The following UGT2B7 variants were observed in gnomAD, a reference collection of about 807,000 sequenced individuals.
UGT2B7 encodes UDP-glucuronosyltransferase 2B7.
UGT2B7 carries 51 observed loss-of-function variants against 51.9 expected under a neutral mutation model. The ratio of observed to expected loss-of-function variants is 0.98; its 90% CI spans 0.78 to 1.24. The LOEUF (loss-of-function observed/expected upper bound fraction) is 1.24, where lower values mean the gene tolerates loss of function less well. Among genes scored for constraint, UGT2B7 ranks in the 50% most tolerant of loss-of-function variants. The pLI, the probability that UGT2B7 is intolerant of heterozygous loss-of-function variation, is 0.00. For missense variants in UGT2B7, 727 were observed against 628.4 expected (o/e 1.16, Z -1.68); for synonymous variants, 225 against 211.6 (o/e 1.06, Z -0.55).
chr4:69,091,980 T>C (rs1338237801), upstream of UGT2B7, among the ~76,000 whole-genome samples: 1 of 152,188 alleles, frequency 6.6e-6, no homozygotes, highest in Non-Finnish European at 1.5e-5. Context: ...TCTTGCTCTG[T>C]CACCCAGGCT....
chr4:69,052,916 A>T (rs547196441), intron 1 of UGT2B7, among the ~76,000 whole-genome samples: 2 of 152,194 alleles, frequency 1.3e-5, no homozygotes, highest in South Asian at 2.1e-4. Flanking sequence ...GGTTAAAAAA[A>T]TTATTGTTTT....
chr4:69,092,401 A>C (rs746927870), upstream of UGT2B7, among the ~76,000 whole-genome samples: 1 of 152,282 alleles, frequency 6.6e-6, no homozygotes, highest in African/African-American at 2.4e-5. Flanking sequence ...ATCATTACAG[A>C]GTAATGGTTT....
intron 3 of UGT2B7, among the ~76,000 whole-genome samples, chr4:69,104,328 G>C (rs570769047): frequency 6.6e-6 from 1 of 152,126 alleles, no homozygotes; most frequent in South Asian, 2.1e-4. Context: ...GGATCTAGAA[G>C]TCTTATTTTT....
chr4:69,066,216 A>G (rs1267753353), intron 1 of UGT2B7, among the ~76,000 whole-genome samples: 1 of 152,152 alleles, frequency 6.6e-6, no homozygotes, highest in Non-Finnish European at 1.5e-5. Context: ...GGTTTGTTGC[A>G]TATGTAAACT....
At chr4:69,099,340 T>A (rs1378830995) in intron 2 of UGT2B7, among the ~76,000 whole-genome samples, 1 of 150,554 alleles carries the variant, frequency 6.6e-6, no homozygotes, top group African/African-American at 2.4e-5. Flanking sequence ...AGGGAGAGAC[T>A]AAGACTCGGA....
intron 2 of UGT2B7, among the ~76,000 whole-genome samples, chr4:69,101,661 G>A (rs34556519): frequency 0.38 from 57,681 of 151,892 alleles, 11,733 homozygotes; most frequent in Admixed American, 0.5. Flanking sequence ...AAAACACTCT[G>A]TAATATGTGG....
At chr4:69,094,866 A>G (rs1029357205), upstream of UGT2B7, among the ~76,000 whole-genome samples, 1 of 152,230 alleles carries the variant, frequency 6.6e-6, no homozygotes, top group Admixed American at 6.5e-5. Context: ...TTTAAGTAAT[A>G]TTCTAAATCT....
intron 1 of UGT2B7, among the ~76,000 whole-genome samples, chr4:69,076,396 C>G (rs1718708471): frequency 6.6e-6 from 1 of 152,192 alleles, no homozygotes; most frequent in African/African-American, 2.4e-5. Context: ...TACACTCTCA[C>G]CAACAGTGTA....
At chr4:69,107,396 G>C (rs912531348) in intron 4 of UGT2B7, 134 bp downstream of exon 4, 1 of 1,053,682 alleles carries the variant, frequency 9.5e-7, no homozygotes, top group Non-Finnish European at 1.3e-6. Context: ...TGATTTTCCA[G>C]TCTTAAGGGA....
In UGT2B7 at chr4:69,087,362, C is replaced by T. The variant is rs6422323; in HGVS notation, c.-158-2110C>T. On this transcript the variant is annotated intron_variant, in intron 1 of 5. Transcript: ENST00000502942. ...TTTGTCTTCCACATATTGACTTTTT[C>T]ATGTCTCAATTTATATCTTTTCATA... Among the ~76,000 whole-genome samples, 4 of 151,606 alleles carry T rather than the reference C, an allele frequency of 2.6e-5. No homozygotes were observed. The East Asian group carries it at 7.7e-4, about 29-fold the overall frequency.
At position 69,107,227 on chromosome 4, in the gene UGT2B7, G is replaced by A. The variant is rs750912051; in HGVS notation, c.1055G>A (p.Arg352Gln). ...NKPDTLGLNT[R>Q]LYKWIPQNDL... is the part of the protein sequence containing the mutation. ...CCAGATACCTTAGGTCTCAATACTC[G>A]GCTCTACAAGTGGATACCCCAGAAT... Residue 352 changes from arginine (R) to glutamine (Q), a missense_variant, in exon 4 of 6, where the codon CGG becomes CAG. By Grantham distance (43) the Arg-to-Gln change is conservative (BLOSUM62 1). Coordinates refer to ENST00000305231, the MANE Select transcript of UGT2B7 (RefSeq NM_001074.4). 2.5e-6 allele frequency: 4 copies of A among 1,609,588 alleles called. No individual in the cohort carries two copies. The highest frequency in any genetic ancestry group is 2.5e-6 in the Non-Finnish European group (3 of 1,177,206).
rs193095406 is a variant in UGT2B7 at position 69,078,075 on chromosome 4, G to A, written c.-158-11397G>A. 3.4e-3 allele frequency among the ~76,000 whole-genome samples: 522 copies of A among 151,726 alleles called. 5 individuals are homozygous for A. Among genetic ancestry groups the A allele is most frequent in the African/African-American group, 0.012 (489 of 41,398 alleles). On this transcript the variant is annotated intron_variant, in intron 1 of 5. Transcript: ENST00000502942. Reference sequence around the variant, plus strand: ...GTTTGTTTTTTGTTTTTTTTCATTGGTTCTTTTTATGTCATGGATTCCTTT... The same window carrying A: ...GTTTGTTTTTTGTTTTTTTTCATTGATTCTTTTTATGTCATGGATTCCTTT...
intron 1 of UGT2B7, among the ~76,000 whole-genome samples, chr4:69,077,599 T>C (rs1718741341): frequency 1.3e-5 from 2 of 151,562 alleles, no homozygotes; most frequent in African/African-American, 4.9e-5. Context: ...TATTGGTGTA[T>C]AGGAATGCTT....
intron 3 of UGT2B7, among the ~76,000 whole-genome samples, chr4:69,104,626 A>G (rs1298125522): frequency 6.6e-6 from 1 of 152,186 alleles, no homozygotes; most frequent in Non-Finnish European, 1.5e-5. Context: ...CATTAATAGT[A>G]TGATCAAGAA....
chr4:69,064,112 A>AGAGAGAGAAAG (rs1718433031), intron 1 of UGT2B7, among the ~76,000 whole-genome samples: 20 of 86,836 alleles, frequency 2.3e-4, no homozygotes, highest in East Asian at 8.8e-4. Flanking sequence ...GAAAGAAAGA[A>AGAGAGAGAAAG]AAAGAAAGAA....
intron 1 of UGT2B7, among the ~76,000 whole-genome samples, chr4:69,062,885 G>C (rs991710692): frequency 1.1e-4 from 16 of 152,242 alleles, no homozygotes; most frequent in African/African-American, 3.9e-4. Context: ...TATTGCTCTT[G>C]TGCTATTGTT....
intron 1 of UGT2B7, among the ~76,000 whole-genome samples, chr4:69,074,206 T>C (rs1236574378): frequency 2.0e-5 from 3 of 151,814 alleles, no homozygotes; most frequent in Non-Finnish European, 2.9e-5. Flanking sequence ...TTGGGTGTGG[T>C]GTCATGCACC....
In UGT2B7 at chr4:69,097,513, T is replaced by C. The variant is rs12648462; in HGVS notation, c.721+272T>C. On this transcript the variant is annotated intron_variant, in intron 1 of 5. Coordinates refer to ENST00000305231, the MANE Select transcript of UGT2B7 (RefSeq NM_001074.4). ...ATCTAAGACTTTAAGCAATTACACA[T>C]CTGTTTTACTATACATTGTTTTACA... Among the ~76,000 whole-genome samples the C allele has an allele frequency of 0.18, 27,158 of 152,046 alleles. 2,565 individuals carry two copies. The highest frequency in any genetic ancestry group is 0.39 in the East Asian group (2,022 of 5,178).
intron 1 of UGT2B7, among the ~76,000 whole-genome samples, chr4:69,079,428 A>G (rs1718786745): frequency 6.6e-6 from 1 of 152,216 alleles, no homozygotes. Flanking sequence ...GCACATGTAT[A>G]CATACGTAAC....
Sources: gnomAD v4.1 joint callset for allele counts (sites outside exome capture counted in the v4.1 genomes callset) on GRCh38, gnomAD v4.1.1 for gene constraint, MANE v1.5 for transcripts, NCBI Gene and HGNC (gene_info 2026-07-23, HGNC 2026-07-21) for gene names.